CDH13: variants seen among roughly 807,000 people sequenced by gnomAD.
CDH13 encodes cadherin 13.
In CDH13, 24 loss-of-function variants were observed where a neutral mutation model predicts 63.8. The observed-to-expected ratio is 0.38, with a 90% confidence interval of 0.27 to 0.53. The LOEUF is 0.53. Ranked by LOEUF, CDH13 falls within the 20% of genes least tolerant of loss-of-function variation. The pLI is 0.85. For missense variants in CDH13, 1,049 were observed against 903.1 expected, an observed-to-expected ratio of 1.16 and a Z score of -2.07; for synonymous variants, 503 against 355.3, an observed-to-expected ratio of 1.42 and a Z score of -4.67.
intron 8 of CDH13, among the ~76,000 whole-genome samples, chr16:83,612,000 G>A (rs1371195292): frequency 1.3e-5 from 2 of 151,986 alleles, no homozygotes; most frequent in East Asian, 1.9e-4. Context: ...TAGTTGTTTA[G>A]TATCGTGATC....
At chr16:83,670,743 C>T in intron 8 of CDH13, 47 bp from the exon 9 acceptor site, 1 of 1,547,626 alleles carries the variant, frequency 6.5e-7, no homozygotes, top group Non-Finnish European at 8.9e-7. Flanking sequence ...TAGTAAATGA[C>T]TATGTGTTTT....
At chr16:82,910,417 C>A (rs1348176945) in intron 2 of CDH13, among the ~76,000 whole-genome samples, 1 of 152,138 alleles carries the variant, frequency 6.6e-6, no homozygotes, top group Non-Finnish European at 1.5e-5. Flanking sequence ...CAGCCCCTAC[C>A]TTTTGTCCCT....
chr16:83,255,994 A>T (rs995779872), intron 5 of CDH13, among the ~76,000 whole-genome samples: 1 of 152,198 alleles, frequency 6.6e-6, no homozygotes, highest in Non-Finnish European at 1.5e-5. Flanking sequence ...TCCTAGGGCC[A>T]CTGAGGATTA....
chr16:82,764,397 C>T (rs149557526), intron 1 of CDH13, among the ~76,000 whole-genome samples: 87 of 152,222 alleles, frequency 5.7e-4, no homozygotes, highest in African/African-American at 2.0e-3. Flanking sequence ...TCTTTCAGCT[C>T]TTAGTGAAAT....
intron 1 of CDH13, among the ~76,000 whole-genome samples, chr16:82,732,207 G>A (rs1251841907): frequency 4.6e-5 from 7 of 151,928 alleles, no homozygotes; most frequent in Admixed American, 6.6e-5. Context: ...CTTTATCATC[G>A]TGTCTTTGGA....
At chr16:82,758,709 A>C (rs2034718090) in intron 1 of CDH13, among the ~76,000 whole-genome samples, 1 of 152,198 alleles carries the variant, frequency 6.6e-6, no homozygotes, top group Non-Finnish European at 1.5e-5. Flanking sequence ...ACTTTCTTCT[A>C]AATGGGCTAT....
At chr16:82,899,280 C>T (rs934395888) in intron 2 of CDH13, among the ~76,000 whole-genome samples, 9 of 152,148 alleles carry the variant, frequency 5.9e-5, no homozygotes, top group African/African-American at 1.9e-4. Context: ...AATGCATCTA[C>T]CCATGGTCCC....
At chr16:83,014,852 ATTTG>A (rs1567746087) in intron 2 of CDH13, among the ~76,000 whole-genome samples, 8 of 108,142 alleles carry the variant, frequency 7.4e-5, no homozygotes, top group Middle Eastern at 4.7e-3. Context: ...GTATATATAT[ATTTG>A]TATATATATA....
At chr16:82,639,580 C>A in intron 1 of CDH13, 1 of 687,638 alleles carries the variant, frequency 1.5e-6, no homozygotes, top group South Asian at 1.8e-5. Flanking sequence ...TAATTCTTTC[C>A]CCAAACAAAA....
chr16:83,713,935 C>G (rs1027428379), intron 10 of CDH13, among the ~76,000 whole-genome samples: 2 of 152,202 alleles, frequency 1.3e-5, no homozygotes, highest in African/African-American at 4.8e-5. Flanking sequence ...AGCTCTGGGT[C>G]TACAGCTCCC....
intron 1 of CDH13, among the ~76,000 whole-genome samples, chr16:82,696,325 T>A (rs183343489): frequency 6.6e-6 from 1 of 152,232 alleles, no homozygotes; most frequent in South Asian, 2.1e-4. Flanking sequence ...AATGAAAGAT[T>A]ACTTTCTAAC....
chr16:82,794,737 T>C (rs1450261559), intron 1 of CDH13, among the ~76,000 whole-genome samples: 2 of 152,232 alleles, frequency 1.3e-5, no homozygotes, highest in African/African-American at 4.8e-5. Flanking sequence ...TCAAAAACTA[T>C]GGTTTTCAGT....
At chr16:83,282,414 C>T (rs1217832373) in intron 5 of CDH13, among the ~76,000 whole-genome samples, 1 of 152,036 alleles carries the variant, frequency 6.6e-6, no homozygotes, top group African/African-American at 2.4e-5. Flanking sequence ...AAGCAAAGCA[C>T]AATAAAATGA....
chr16:82,652,370 G>T (rs1448493784), intron 1 of CDH13, among the ~76,000 whole-genome samples: 1 of 152,230 alleles, frequency 6.6e-6, no homozygotes, highest in Non-Finnish European at 1.5e-5. Context: ...AAGATGAGAA[G>T]AGCTTGGTTA....
chr16:83,112,511 G>A (rs74030704), intron 3 of CDH13, among the ~76,000 whole-genome samples: 2,320 of 152,278 alleles, frequency 0.015, 58 homozygotes, highest in African/African-American at 0.053. Flanking sequence ...GTGTTTGTGG[G>A]TTAGGAGTTA....
intron 3 of CDH13, among the ~76,000 whole-genome samples, chr16:83,035,618 C>T (rs975224726): frequency 1.3e-5 from 2 of 152,188 alleles, no homozygotes; most frequent in Admixed American, 1.3e-4. Context: ...AGCCTGGCCC[C>T]TGAGTCCGTG....
intron 5 of CDH13, among the ~76,000 whole-genome samples, chr16:83,338,823 G>A (rs961943637): frequency 1.3e-5 from 2 of 152,204 alleles, no homozygotes; most frequent in Non-Finnish European, 2.9e-5. Flanking sequence ...AGGAAGAAGA[G>A]GGATTCCTTG....
chr16:83,748,173 C>T lies in CDH13; in HGVS notation c.1604C>T (p.Thr535Ile). 6.2e-7 allele frequency: 1 copy of T among 1,613,888 alleles called. No homozygotes were observed. The highest frequency in any genetic ancestry group is 8.5e-7 in the Non-Finnish European group (1 of 1,179,794). Residue 535 changes from threonine to isoleucine, a missense_variant, in exon 11 of 14, where the codon ACC becomes ATC. Thr to Ile is a moderately conservative substitution (Grantham distance 89). Transcript: ENST00000567109. ...NINPINGTVD[T>I]TAVLDRESPF... ...AACCCCATCAATGGGACTGTTGACA[C>T]CACAGCTGTGCTGGACCGTGAGTCC...
intron 6 of CDH13, among the ~76,000 whole-genome samples, chr16:83,347,021 A>G (rs1223232797): frequency 1.3e-5 from 2 of 152,204 alleles, no homozygotes; most frequent in African/African-American, 4.8e-5. Flanking sequence ...GTGAAATAGA[A>G]TCAGTCAGAT....
Sources: gnomAD v4.1 joint callset for allele counts (sites outside exome capture counted in the v4.1 genomes callset) on GRCh38, gnomAD v4.1.1 for gene constraint, MANE v1.5 for transcripts, NCBI Gene and HGNC (gene_info 2026-07-23, HGNC 2026-07-21) for gene names.